CAMK4: variants seen among roughly 807,000 people sequenced by gnomAD.
CAMK4 encodes the protein calcium/calmodulin dependent protein kinase IV.
In CAMK4, 22 loss-of-function variants were observed where a neutral mutation model predicts 44.9. The ratio of observed to expected loss-of-function variants is 0.49; its 90% CI spans 0.35 to 0.70. CAMK4 has a LOEUF of 0.70. Among genes scored for constraint, CAMK4 ranks in the 30% least tolerant of loss-of-function variants. The probability of loss-of-function intolerance (pLI) is 0.01; values close to 1 mark genes in which losing one functional copy is unlikely to be tolerated. For synonymous variants in CAMK4, 218 were observed against 215.4 expected, an observed-to-expected ratio of 1.01 and a Z score of -0.11; for missense variants, 498 against 586.8, an observed-to-expected ratio of 0.85 and a Z score of 1.56.
At chr5:111,413,592 T>A (rs1204332487) in intron 5 of CAMK4, among the ~76,000 whole-genome samples, 1 of 150,266 alleles carries the variant, frequency 6.7e-6, no homozygotes, top group Non-Finnish European at 1.5e-5. Context: ...AAAAAAAAAA[T>A]TATTATGGAG....
intron 2 of CAMK4, among the ~76,000 whole-genome samples, chr5:111,353,801 G>T (rs1379975547): frequency 6.6e-6 from 1 of 152,082 alleles, no homozygotes; most frequent in East Asian, 1.9e-4. Flanking sequence ...GGAGGTGAAA[G>T]ATCTGTACTC....
At chr5:111,432,957 A>T (rs1753510598) in intron 5 of CAMK4, among the ~76,000 whole-genome samples, 1 of 152,170 alleles carries the variant, frequency 6.6e-6, no homozygotes, top group African/African-American at 2.4e-5. Context: ...TTTTACTTTG[A>T]TAGGCAAGCA....
chr5:111,336,962 T>G (rs1306002215), intron 1 of CAMK4, among the ~76,000 whole-genome samples: 3 of 151,298 alleles, frequency 2.0e-5, no homozygotes, highest in Non-Finnish European at 3.0e-5. Flanking sequence ...TTACTGTATT[T>G]TCATTGAACT....
intron 5 of CAMK4, among the ~76,000 whole-genome samples, chr5:111,415,223 C>A (rs1180802962): frequency 6.6e-6 from 1 of 152,166 alleles, no homozygotes; most frequent in Non-Finnish European, 1.5e-5. Flanking sequence ...AAATTTTGCG[C>A]CTCTGGCTCT....
rs531423800 is a variant in CAMK4, at chr5:111,473,908, C to A, written c.701+522C>A. 5.5e-4 allele frequency among the ~76,000 whole-genome samples: 83 copies of A among 152,158 alleles called. 1 individual carries two copies. Among genetic ancestry groups the A allele is most frequent in the African/African-American group, 2.0e-3 (81 of 41,522 alleles). On this transcript the variant is annotated intron_variant, in intron 8 of 10. Coordinates refer to ENST00000282356, the MANE Select transcript of CAMK4 (RefSeq NM_001744.6). The stretch of plus-strand genomic sequence containing the variant: ...TAAATTTAACACCCTACACAAATTT[C>A]TTGGGAAAAAAAATGAGTGAAATAT...
At chr5:111,375,497 T>C (rs1751180677) in intron 3 of CAMK4, among the ~76,000 whole-genome samples, 1 of 152,170 alleles carries the variant, frequency 6.6e-6, no homozygotes, top group African/African-American at 2.4e-5. Flanking sequence ...TTGCAAGTTA[T>C]TTTTATGAAT....
intron 1 of CAMK4, among the ~76,000 whole-genome samples, chr5:111,309,902 G>A (rs574593721): frequency 1.3e-5 from 2 of 152,232 alleles, no homozygotes; most frequent in Non-Finnish European, 1.5e-5. Context: ...CATAGGCTAG[G>A]CTGATACCTT....
chr5:111,338,139 G>A (rs921954542), intron 1 of CAMK4, among the ~76,000 whole-genome samples: 1 of 151,010 alleles, frequency 6.6e-6, no homozygotes, highest in Non-Finnish European at 1.5e-5. Context: ...TTTTTATAGT[G>A]TAAATATGAT....
At position 111,359,267 on chromosome 5, in the gene CAMK4, TG is replaced by T. The variant is rs1750505717; in HGVS notation, c.240+15166del. Among the ~76,000 whole-genome samples, 2 of 3,280 alleles carry T rather than the reference TG, an allele frequency of 6.1e-4. 1 individual carries two copies. Among genetic ancestry groups the T allele is most frequent in the Non-Finnish European group, 2.4e-3 (2 of 830 alleles). 2.2% of individuals were successfully genotyped at this position (3,280 alleles called of 152,430 possible). On this transcript the variant is annotated intron_variant, in intron 2 of 10. Transcript: ENST00000282356. ...GACTAATAGTAACCATTGTGACTGGTGTGAGATGGTATTTGATTGTGGTTTT... is the reference window on the plus strand; with the variant it reads ...GACTAATAGTAACCATTGTGACTGGTTGAGATGGTATTTGATTGTGGTTTT...
At chr5:111,233,620 A>G (rs551433085) in intron 1 of CAMK4, among the ~76,000 whole-genome samples, 1 of 152,316 alleles carries the variant, frequency 6.6e-6, no homozygotes, top group East Asian at 1.9e-4. Context: ...CCTCTATTAT[A>G]TTTAGAGTGA....
intron 5 of CAMK4, among the ~76,000 whole-genome samples, chr5:111,433,882 G>C (rs951370835): frequency 6.6e-6 from 1 of 152,100 alleles, no homozygotes; most frequent in Admixed American, 6.5e-5. Flanking sequence ...TTAGACTTAA[G>C]CTTATAGCTA....
chr5:111,377,894 T>A (rs1270976203), intron 4 of CAMK4, among the ~76,000 whole-genome samples: 6 of 152,114 alleles, frequency 3.9e-5, no homozygotes, highest in African/African-American at 1.4e-4. Context: ...AAATGCTCCA[T>A]AAATATTTGC....
At chr5:111,334,082 A>T (rs140877439) in intron 1 of CAMK4, among the ~76,000 whole-genome samples, 2 of 151,548 alleles carry the variant, frequency 1.3e-5, no homozygotes, top group Non-Finnish European at 3.0e-5. Context: ...TGATGCCAAA[A>T]CCTTGGGCTT....
intron 2 of CAMK4, among the ~76,000 whole-genome samples, chr5:111,362,674 T>C (rs1434740858): frequency 1.3e-5 from 2 of 152,008 alleles, no homozygotes; most frequent in Non-Finnish European, 1.5e-5. Context: ...TCTTAAAAAA[T>C]AATTTGGGAG....
At chr5:111,426,632 C>T (rs1056854402) in intron 5 of CAMK4, among the ~76,000 whole-genome samples, 5 of 152,102 alleles carry the variant, frequency 3.3e-5, no homozygotes, top group East Asian at 3.9e-4. Flanking sequence ...GAATCACTAA[C>T]GCCACCCCTC....
chr5:111,470,713 C>G (rs1755034675), intron 7 of CAMK4, among the ~76,000 whole-genome samples: 1 of 152,088 alleles, frequency 6.6e-6, no homozygotes, highest in Non-Finnish European at 1.5e-5. Context: ...CAGAAGGAAC[C>G]AAGTTACTAC....
At chr5:111,396,628 A>ATTTTTTTTTTTTTTTTTT (rs1210775733) in intron 5 of CAMK4, among the ~76,000 whole-genome samples, 1 of 41,296 alleles carries the variant, frequency 2.4e-5, no homozygotes, top group Non-Finnish European at 4.7e-5. Flanking sequence ...ATTAACTCAT[A>ATTTTTTTTTTTTTTTTTT]TTCTTTTTTT....
At chr5:111,298,718 A>G (rs759415008) in intron 1 of CAMK4, among the ~76,000 whole-genome samples, 5 of 152,350 alleles carry the variant, frequency 3.3e-5, no homozygotes, top group African/African-American at 7.2e-5. Flanking sequence ...CGGGCTCTGA[A>G]TTACACCTGC....
chr5:111,270,619 A>G (rs1184284785), intron 1 of CAMK4, among the ~76,000 whole-genome samples: 2 of 152,066 alleles, frequency 1.3e-5, no homozygotes, highest in African/African-American at 4.8e-5. Context: ...GCTTACCCCT[A>G]TTCCCTTCCT....
Sources: gnomAD v4.1 joint callset for allele counts (sites outside exome capture counted in the v4.1 genomes callset) on GRCh38, gnomAD v4.1.1 for gene constraint, MANE v1.5 for transcripts, NCBI Gene and HGNC (gene_info 2026-07-23, HGNC 2026-07-21) for gene names.